Variants in CHTF18 observed in about 807,000 individuals in gnomAD.
The protein encoded by CHTF18 is chromosome transmission fidelity factor 18.
CHTF18 carries 151 observed loss-of-function variants against 113.4 expected under a neutral mutation model. That is an observed-to-expected ratio of 1.33 (90% confidence interval 1.17 to 1.52). CHTF18 has a LOEUF of 1.52. Ranked by LOEUF, CHTF18 falls within the 40% of genes most tolerant of loss-of-function variation. CHTF18 has a pLI of 0.00. For synonymous variants in CHTF18, 916 were observed against 598.8 expected (o/e 1.53, Z -7.74); for missense variants, 1,982 against 1,381.6 (o/e 1.43, Z -6.89).
Position 790,338 on chromosome 16 carries a change from T to A in CHTF18, c.700-9T>A. The A allele has an allele frequency of 6.2e-7, 1 of 1,612,480 alleles. No homozygotes were observed. The highest frequency in any genetic ancestry group is 2.2e-5 in the East Asian group (1 of 44,880). ...GAGCCCTCCTGATTCCAGCCTGTTGTTTGCACAGCGGCGGGAGCGGCTGCT... is the reference window on the plus strand; with the variant it reads ...GAGCCCTCCTGATTCCAGCCTGTTGATTGCACAGCGGCGGGAGCGGCTGCT... On this transcript the variant is annotated splice_polypyrimidine_tract_variant and intron_variant, in intron 5 of 21. Transcript: ENST00000262315.
chr16:791,147 C>G lies in CHTF18; in HGVS notation c.895-14C>G, dbSNP rs758915562. 2 of 1,603,998 alleles carry G rather than the reference C, an allele frequency of 1.2e-6. No homozygotes were observed. The highest frequency in any genetic ancestry group is 1.7e-6 in the Non-Finnish European group (2 of 1,176,402). ...TGCCCTCAGGCTGTGCTTCCCTTCC[C>G]GTCCTTCCCGCAGTTCACCAACCGC... On this transcript the variant is annotated splice_polypyrimidine_tract_variant and intron_variant, in intron 7 of 21. Coordinates refer to ENST00000262315, the MANE Select transcript of CHTF18 (RefSeq NM_022092.3).
rs1478389397 is a variant in CHTF18 at position 788,792 on chromosome 16, G to A, written c.91+17G>A. 2.5e-6 allele frequency: 4 copies of A among 1,581,714 alleles called. No homozygotes were observed. The highest frequency in any genetic ancestry group is 3.4e-6 in the Non-Finnish European group (4 of 1,165,764). ...AGCTGGAAGGTGGGGCGCGGCCCCC[G>A]GCCGTTGGGGAGGAGCTGCGAAAGC... On this transcript the variant is annotated intron_variant, in intron 1 of 21. Transcript: ENST00000262315.
rs190182435 is a variant in CHTF18, at chr16:790,039, A to C, written c.607-138A>C. 2,553 of 1,535,386 alleles carry C rather than the reference A, an allele frequency of 1.7e-3. 52 individuals carry two copies. The highest frequency in any genetic ancestry group is 1.9e-4 in the Non-Finnish European group (218 of 1,146,828). ...ATCTGGATGGCTTCATTCCTTTGGC[A>C]CCCCTGTCCAGTCTCCCACCCCTCA... On this transcript the variant is annotated intron_variant, in intron 4 of 21. Coordinates refer to ENST00000262315, the MANE Select transcript of CHTF18 (RefSeq NM_022092.3).
chr16:792,400 C>T, intron 10 of CHTF18, 39 bp from the exon 11 acceptor site: 1 of 1,561,586 alleles, frequency 6.4e-7, no homozygotes, highest in Non-Finnish European at 8.7e-7. Flanking sequence ...AGGCGGGCAG[C>T]AGGGCCTGGA....
chr16:793,863 G>T, intron 14 of CHTF18, 191 bp from the exon 15 acceptor site: 1 of 662,964 alleles, frequency 1.5e-6, no homozygotes, highest in East Asian at 2.7e-5. Flanking sequence ...CTCGGCTTAA[G>T]GGAATGTTTC....
chr16:796,653 G>A (rs1009175690), intron 18 of CHTF18, 64 bp from the exon 19 acceptor site: 34 of 1,491,174 alleles, frequency 2.3e-5, no homozygotes, highest in Admixed American at 1.6e-4. Flanking sequence ...TGGAGTGCCC[G>A]GCGGCTCTCT....
rs1378711880 is a variant in CHTF18, at chr16:789,282, C to A, written c.359C>A (p.Pro120Gln). 7.6e-6 allele frequency: 12 copies of A among 1,579,730 alleles called. No homozygotes were observed. The highest frequency in any genetic ancestry group is 1.0e-5 in the Non-Finnish European group (12 of 1,164,362). Residue 120 changes from proline (P) to glutamine (Q), a missense_variant, in exon 3 of 22, where the codon CCG (proline) becomes CAG (glutamine). By Grantham distance (76) the Pro-to-Gln change is moderately conservative. Transcript: ENST00000262315. ...LNFRSEEMEE[P>Q]PPPDSSPTDI... ...TTCAGATCGGAGGAGATGGAGGAGC[C>A]GCCCCCTCCCGACTCCTCGCCGACG...
chr16:791,014 C>A (rs955251693), intron 7 of CHTF18, 147 bp from the exon 8 acceptor site: 18 of 1,471,516 alleles, frequency 1.2e-5, no homozygotes, highest in Non-Finnish European at 1.5e-5. Context: ...GTGAGCCTTG[C>A]GGTCACTCGC....
chr16:790,930 CTG>C (rs763573083), intron 7 of CHTF18: 1 of 1,433,292 alleles, frequency 7.0e-7, no homozygotes. Context: ...GCAGCTGACA[CTG>C]GAGTGCCCCT....
Position 794,179 on chromosome 16 carries a change from G to A in CHTF18, c.1928G>A (p.Gly643Asp), listed in dbSNP as rs2042276821. 4 of 1,612,078 alleles carry A rather than the reference G, an allele frequency of 2.5e-6. No homozygotes were observed. Among genetic ancestry groups the A allele is most frequent in the Non-Finnish European group, 3.4e-6 (4 of 1,179,462 alleles). Residue 643 changes from glycine to aspartate, a missense_variant, in exon 15 of 22, where the codon GGC becomes GAC. Gly to Asp is a moderately conservative substitution (Grantham distance 94). Coordinates refer to ENST00000262315, the MANE Select transcript of CHTF18 (RefSeq NM_022092.3). Reference sequence around the variant, plus strand: ...GTCCTGCATGCCGCTGCCTCTGCGGGCGAGCACGAGAAGGTGGTCCAGGTA... The same window carrying A: ...GTCCTGCATGCCGCTGCCTCTGCGGACGAGCACGAGAAGGTGGTCCAGGTA... Reference protein sequence around the residue: ...YRVLHAAASAGEHEKVVQGLF... With the variant: ...YRVLHAAASADEHEKVVQGLF...
chr16:797,719 TGGTCGTCA>T lies in CHTF18; in HGVS notation c.2762_2769del (p.Val921GlufsTer56). On this transcript the variant is annotated frameshift_variant, in exon 21 of 22. Transcript: ENST00000262315. LOFTEE classifies it low-confidence loss of function (END_TRUNC). ...CCTGAGAAGGACTTCTTTGGACGTG[TGGTCGTCA>T]GGAGCACAGCAGTCCCGAGTGCAGG... is the stretch of plus-strand genomic sequence containing the variant. The T allele has an allele frequency of 1.3e-6, 2 of 1,577,416 alleles. No individual in the cohort carries two copies. The highest frequency in any genetic ancestry group is 1.7e-6 in the Non-Finnish European group (2 of 1,166,256).
At position 797,940 on chromosome 16, in the gene CHTF18, G is replaced by C. The variant is rs771264958; in HGVS notation, c.2893G>C (p.Val965Leu). The C allele has an allele frequency of 7.4e-6, 12 of 1,612,194 alleles. No homozygotes were observed. The highest frequency in any genetic ancestry group is 1.0e-5 in the Non-Finnish European group (12 of 1,179,746). ...CTTCAACGAGGGTGTCTCCAACGCC[G>C]TGCGGCGCAGCCTGTACATCAGGGA... is the stretch of plus-strand genomic sequence containing the variant. ...FRFNEGVSNAVRRSLYIRDLL is the reference protein window; with the variant it reads ...FRFNEGVSNALRRSLYIRDLL Residue 965 changes from valine to leucine, a missense_variant, in exon 22 of 22, where the codon GTG (valine) becomes CTG (leucine). Val to Leu is a conservative substitution (Grantham distance 32). Coordinates refer to ENST00000262315, the MANE Select transcript of CHTF18 (RefSeq NM_022092.3).
rs1218131718 is a variant in CHTF18, at chr16:795,351, CAGG to C, written c.2174_2175+1del. On this transcript the variant is annotated inframe_deletion and splice_region_variant, in exon 16 of 22. Transcript: ENST00000262315. The stretch of plus-strand genomic sequence containing the variant: ...CAGGATCACCTTCCCCAGCAGCCAG[CAGG>C]AGGTGTGCTCGTCCCTGCACCACGC... 4 of 1,546,986 alleles carry C rather than the reference CAGG, an allele frequency of 2.6e-6. No individual in the cohort carries two copies. The highest frequency in any genetic ancestry group is 2.4e-5 in the East Asian group (1 of 40,894).
chr16:795,120 G>T lies in CHTF18; in HGVS notation c.1951-12G>T. ...GGTGGGCAGGAGCTCAGGGGTTGCCGGCCGCCTGCAGGGCTTGTTTGACAA... is the reference window on the plus strand; with the variant it reads ...GGTGGGCAGGAGCTCAGGGGTTGCCTGCCGCCTGCAGGGCTTGTTTGACAA... On this transcript the variant is annotated splice_polypyrimidine_tract_variant and intron_variant, in intron 15 of 21. Coordinates refer to ENST00000262315, the MANE Select transcript of CHTF18 (RefSeq NM_022092.3). 1 of 1,537,302 alleles carries T rather than the reference G, an allele frequency of 6.5e-7. No individual in the cohort carries two copies. The highest frequency in any genetic ancestry group is 8.8e-7 in the Non-Finnish European group (1 of 1,140,276).
In CHTF18 at chr16:792,281, G is replaced by C. The variant is rs2042218111; in HGVS notation, c.1260G>C (p.Glu420Asp). The C allele has an allele frequency of 6.4e-7, 1 of 1,559,452 alleles. No individual in the cohort carries two copies. Among genetic ancestry groups the C allele is most frequent in the South Asian group, 1.2e-5 (1 of 84,608 alleles). The change falls in exon 10 of 22, where the codon GAG (glutamate) becomes GAC (aspartate). Residue 420 changes from glutamate (E) to aspartate (D), a missense_variant. By Grantham distance (45) the Glu-to-Asp change is conservative. Transcript: ENST00000262315. ...RTRIEAATQM[E>D]SVLGAGGKPN... ...GCATCGAGGCGGCCACCCAGATGGA[G>C]TCGGTGCTGGGTGCTGGCGGGAAGC...
chr16:791,842 G>A lies in CHTF18; in HGVS notation c.1105-9G>A, dbSNP rs778648288. 6.3e-7 allele frequency: 1 copy of A among 1,597,550 alleles called. No individual in the cohort carries two copies. Among genetic ancestry groups the A allele is most frequent in the African/African-American group, 1.3e-5 (1 of 74,712 alleles). On this transcript the variant is annotated splice_polypyrimidine_tract_variant and intron_variant, in intron 8 of 21. Transcript: ENST00000262315. ...GTGCACACTACGCCTTCATCTACCT[G>A]GGCTGCAGGTGGCACTGCTCTGTGG...
chr16:796,233 G>T (rs1390719106), intron 18 of CHTF18, among the ~76,000 whole-genome samples, 156 bp downstream of exon 18: 2 of 146,182 alleles, frequency 1.4e-5, no homozygotes, highest in African/African-American at 4.9e-5. Context: ...TAACCGTGAA[G>T]GGGGGTCACT....
At position 791,140 on chromosome 16, in the gene CHTF18, C is replaced by G. The variant is rs369021522; in HGVS notation, c.895-21C>G. 184 of 1,599,006 alleles carry G rather than the reference C, an allele frequency of 1.2e-4. 2 individuals carry two copies. In the African/African-American group the frequency reaches 2.1e-3, roughly 18 times the overall value. ...GAGGCGGTGCCCTCAGGCTGTGCTT[C>G]CCTTCCCGTCCTTCCCGCAGTTCAC... On this transcript the variant is annotated intron_variant, in intron 7 of 21. Coordinates refer to ENST00000262315, the MANE Select transcript of CHTF18 (RefSeq NM_022092.3).
At chr16:791,029 A>G (rs765180245) in intron 7 of CHTF18, 132 bp from the exon 8 acceptor site, 1 of 1,477,906 alleles carries the variant, frequency 6.8e-7, no homozygotes, top group Non-Finnish European at 9.0e-7. Context: ...ACTCGCTGGC[A>G]GGAAGACGGG....
Sources: gnomAD v4.1 joint callset for allele counts (sites outside exome capture counted in the v4.1 genomes callset) on GRCh38, gnomAD v4.1.1 for gene constraint, MANE v1.5 for transcripts, NCBI Gene and HGNC (gene_info 2026-07-23, HGNC 2026-07-21) for gene names.